Variants in CECR2 observed in about 807,000 individuals in gnomAD.
The protein encoded by CECR2 is CECR2 histone acetyl-lysine reader.
CECR2 carries 30 observed loss-of-function variants against 154.5 expected under a neutral mutation model. The observed-to-expected ratio is 0.19, with a 90% CI of 0.15 to 0.26. The LOEUF (loss-of-function observed/expected upper bound fraction) is 0.26. Among genes scored for constraint, CECR2 ranks in the 10% least tolerant of loss-of-function variants. The pLI, the probability that CECR2 is intolerant of heterozygous loss-of-function variation, is 1.00. For missense variants in CECR2, 1,743 were observed against 1,829.3 expected (o/e 0.95, Z 0.86); for synonymous variants, 725 against 683.7 (o/e 1.06, Z -0.94).
Position 17,378,605 on chromosome 22 carries a change from C to T in CECR2, c.126+8696C>T, listed in dbSNP as rs116104608. Among the ~76,000 whole-genome samples the T allele has an allele frequency of 9.3e-3, 1,414 of 152,282 alleles. 17 individuals carry two copies. The highest frequency in any genetic ancestry group is 0.032 in the African/African-American group (1,347 of 41,568). On this transcript the variant is annotated intron_variant, in intron 1 of 18. Transcript: ENST00000262608. ...CTGGCCCTCGTTTTAAGATGTTTAG[C>T]AGTATTGTTGGCCTCTATGCTCCAG...
intron 1 of CECR2, among the ~76,000 whole-genome samples, chr22:17,389,406 A>G (rs946503272): frequency 2.0e-5 from 3 of 152,102 alleles, no homozygotes; most frequent in African/African-American, 7.2e-5. Context: ...CTGTTTTTCT[A>G]CACTGAGAAT....
chr22:17,376,822 G>C (rs1257931524), intron 1 of CECR2, among the ~76,000 whole-genome samples: 4 of 152,006 alleles, frequency 2.6e-5, no homozygotes, highest in African/African-American at 9.7e-5. Flanking sequence ...ATTTTTAGGA[G>C]AGATGGGGTT....
intron 8 of CECR2, chr22:17,518,890 C>CA (rs1730202431): frequency 4.2e-6 from 1 of 240,144 alleles, no homozygotes. Context: ...CCTTCTCCCC[C>CA]AAAAAAACTT....
chr22:17,520,754 C>T (rs548057770), intron 8 of CECR2, among the ~76,000 whole-genome samples: 3 of 152,176 alleles, frequency 2.0e-5, no homozygotes, highest in African/African-American at 4.8e-5. Context: ...GACATGAACT[C>T]GTCTTTTTGG....
chr22:17,431,771 T>TTTTTTCACAGA (rs895781760), intron 1 of CECR2, among the ~76,000 whole-genome samples: 160 of 140,516 alleles, frequency 1.1e-3, no homozygotes, highest in African/African-American at 3.3e-3. Flanking sequence ...ATCCCTCGTA[T>TTTTTTCACAGA]TTTTTTTTTG....
intron 1 of CECR2, among the ~76,000 whole-genome samples, chr22:17,440,921 ACTGT>A (rs925176242): frequency 3.6e-5 from 5 of 139,720 alleles, no homozygotes; most frequent in African/African-American, 1.3e-4. Context: ...TATTCAGCTG[ACTGT>A]CAGGTCTTAT....
chr22:17,415,510 G>C (rs1226968924), intron 1 of CECR2, among the ~76,000 whole-genome samples: 1 of 152,208 alleles, frequency 6.6e-6, no homozygotes, highest in Non-Finnish European at 1.5e-5. Context: ...CCAAAGTGCT[G>C]GGATTACAGG....
intron 2 of CECR2, among the ~76,000 whole-genome samples, chr22:17,481,260 G>A (rs187628897): frequency 1.1e-3 from 160 of 141,388 alleles, no homozygotes; most frequent in Admixed American, 1.7e-3. Flanking sequence ...TGAGAATGGC[G>A]TGAACCCGGG....
intron 13 of CECR2, among the ~76,000 whole-genome samples, chr22:17,539,646 C>A (rs1292732430): frequency 6.6e-6 from 1 of 151,612 alleles, no homozygotes; most frequent in Non-Finnish European, 1.5e-5. Context: ...GCACATGTAC[C>A]CTAGAACTTA....
At chr22:17,489,028 T>C (rs1173290064) in intron 2 of CECR2, among the ~76,000 whole-genome samples, 2 of 152,242 alleles carry the variant, frequency 1.3e-5, no homozygotes, top group Non-Finnish European at 2.9e-5. Flanking sequence ...CTCTGCTCAC[T>C]GCAACCTCCA....
At chr22:17,489,884 T>C (rs531067094) in intron 2 of CECR2, among the ~76,000 whole-genome samples, 282 of 95,088 alleles carry the variant, frequency 3.0e-3, no homozygotes, top group African/African-American at 0.011. Context: ...AGCTTGCTCT[T>C]TTTTTTTTTT....
At chr22:17,459,559 C>T (rs935480817) in intron 1 of CECR2, among the ~76,000 whole-genome samples, 4 of 152,124 alleles carry the variant, frequency 2.6e-5, no homozygotes, top group African/African-American at 7.2e-5. Flanking sequence ...GGGACTCCCC[C>T]GGCGTCGGCC....
intron 1 of CECR2, among the ~76,000 whole-genome samples, chr22:17,471,781 T>C (rs918230593): frequency 1.3e-5 from 2 of 152,098 alleles, no homozygotes; most frequent in Non-Finnish European, 2.9e-5. Context: ...GTGATCCACC[T>C]GCCTCAGCCT....
At chr22:17,511,709 C>T in intron 7 of CECR2, 104 bp from the exon 8 acceptor site, 7 of 839,314 alleles carry the variant, frequency 8.3e-6, no homozygotes, top group Admixed American at 2.1e-5. Flanking sequence ...AACCTGTGTG[C>T]CTCATTGGCC....
chr22:17,529,810 C>T (rs2056326103), intron 9 of CECR2, among the ~76,000 whole-genome samples: 1 of 152,000 alleles, frequency 6.6e-6, no homozygotes, highest in South Asian at 2.1e-4. Flanking sequence ...CTCTGCCTCC[C>T]ATGATAGTTC....
Position 17,490,704 on chromosome 22 carries a change from C to T in CECR2, c.222-6699C>T, listed in dbSNP as rs538984815. ...GACTTCATGATCTGTCCACCTCAGC[C>T]TCCCAAAGTGCTAGGATTACAGGCA... On this transcript the variant is annotated intron_variant, in intron 2 of 18. Transcript: ENST00000262608. Among the ~76,000 whole-genome samples, 7 of 152,250 alleles carry T rather than the reference C, an allele frequency of 4.6e-5. No individual in the cohort carries two copies. In the South Asian group the frequency reaches 8.3e-4, roughly 18 times the overall value.
At chr22:17,407,443 A>G (rs566308665) in intron 1 of CECR2, among the ~76,000 whole-genome samples, 4 of 152,280 alleles carry the variant, frequency 2.6e-5, no homozygotes, top group Admixed American at 2.6e-4. Context: ...TGAAAACACA[A>G]AATTCGCCAG....
intron 16 of CECR2, among the ~76,000 whole-genome samples, chr22:17,545,629 G>T (rs1315170814): frequency 6.6e-6 from 1 of 151,858 alleles, no homozygotes; most frequent in Non-Finnish European, 1.5e-5. Flanking sequence ...TGGATCATGA[G>T]GTTAGGAGTT....
intron 1 of CECR2, among the ~76,000 whole-genome samples, chr22:17,467,729 C>T (rs1453970495): frequency 6.6e-6 from 1 of 152,068 alleles, no homozygotes; most frequent in Non-Finnish European, 1.5e-5. Context: ...TTGCAGTGAG[C>T]TGAGATCATG....
Sources: gnomAD v4.1 joint callset for allele counts (sites outside exome capture counted in the v4.1 genomes callset) on GRCh38, gnomAD v4.1.1 for gene constraint, MANE v1.5 for transcripts, NCBI Gene and HGNC (gene_info 2026-07-23, HGNC 2026-07-21) for gene names.